Variants in LNX1 observed in about 807,000 individuals in gnomAD.
LNX1 encodes ligand of numb-protein X 1, also known as E3 ubiquitin-protein ligase LNX.
In LNX1, 54 loss-of-function variants were observed where a neutral mutation model predicts 68.4. That is an observed-to-expected ratio of 0.79 (90% confidence interval 0.63 to 0.99). LNX1 has a LOEUF of 0.99. Among genes scored for constraint, LNX1 ranks in the 50% least tolerant of loss-of-function variants. The pLI, the probability that LNX1 is intolerant of heterozygous loss-of-function variation, is 0.00. For synonymous variants in LNX1, 336 were observed against 350.0 expected (o/e 0.96, Z 0.45); for missense variants, 906 against 926.4 (o/e 0.98, Z 0.29).
In LNX1 at chr4:53,460,993, T is replaced by G. The variant is rs761777197; in HGVS notation, c.2101A>C (p.Ile701Leu). ...AVNGRSTSGMIHACLARLLKE... is the reference protein window; with the variant it reads ...AVNGRSTSGMLHACLARLLKE... ...AGCAGTCTTGCCAAGCAAGCATGTA[T>G]CATTCCTGATGTACTTCTACCATTG... The change falls in exon 11 of 11, where the codon ATA becomes CTA. Residue 701 changes from isoleucine to leucine, a missense_variant. Transcript: ENST00000263925. The G allele has an allele frequency of 3.7e-6, 6 of 1,607,722 alleles. No individual in the cohort carries two copies. In the East Asian group the frequency reaches 1.3e-4, roughly 36 times the overall value.
At position 53,459,692 on chromosome 4, in the gene LNX1, A is replaced by AGTC; in HGVS notation, c.*1212_*1214dup. The AGTC allele has an allele frequency of 1.9e-6, 1 of 522,424 alleles. No individual in the cohort carries two copies. The highest frequency in any genetic ancestry group is 3.4e-6 in the Non-Finnish European group (1 of 292,584). 32.4% of individuals were successfully genotyped at this position (522,424 alleles called of 1,614,324 possible). A position where few individuals can be genotyped will look rare whatever the true frequency, so the allele number is the denominator to read the frequency against. ...TATATCCAAGAAAGGAATGTGAATG[A>AGTC]GTCACTTAACAGGGAATCTAAAGAG... is the stretch of plus-strand genomic sequence containing the variant. On this transcript the variant is annotated 3_prime_UTR_variant, in exon 11 of 11. Transcript: ENST00000263925.
At chr4:53,535,061 A>C (rs969944610) in intron 2 of LNX1, among the ~76,000 whole-genome samples, 14 of 152,248 alleles carry the variant, frequency 9.2e-5, no homozygotes, top group African/African-American at 2.7e-4. Flanking sequence ...GCAGGGAATA[A>C]TTATGAATCC....
At chr4:53,650,665 G>A (rs778278178) in intron 1 of LNX1, among the ~76,000 whole-genome samples, 5 of 151,992 alleles carry the variant, frequency 3.3e-5, no homozygotes, top group Non-Finnish European at 7.4e-5. Flanking sequence ...CTATACTACC[G>A]CCCTACATAT....
chr4:53,519,392 C>T (rs1037531406), intron 2 of LNX1, among the ~76,000 whole-genome samples: 2 of 151,144 alleles, frequency 1.3e-5, no homozygotes, highest in Admixed American at 6.6e-5. Context: ...TAACAGCAGT[C>T]ATAACAGTAA....
intron 2 of LNX1, among the ~76,000 whole-genome samples, chr4:53,598,283 A>G (rs1221610316): frequency 1.3e-5 from 2 of 148,852 alleles, no homozygotes; most frequent in African/African-American, 5.0e-5. Flanking sequence ...CCCAGGCTGG[A>G]GTGCAGTGGC....
intron 2 of LNX1, among the ~76,000 whole-genome samples, chr4:53,600,652 G>A (rs1467690898): frequency 3.9e-5 from 6 of 152,100 alleles, no homozygotes; most frequent in Admixed American, 6.5e-5. Flanking sequence ...CTCAAATCAC[G>A]AGCATGTGAA....
chr4:53,620,935 A>G (rs1296519348), upstream of LNX1, among the ~76,000 whole-genome samples: 2 of 152,172 alleles, frequency 1.3e-5, no homozygotes, highest in Non-Finnish European at 2.9e-5. Flanking sequence ...GAAAGCCAAT[A>G]TCGGTTTAAA....
At chr4:53,565,787 A>G (rs1381196074) in intron 2 of LNX1, among the ~76,000 whole-genome samples, 4 of 150,146 alleles carry the variant, frequency 2.7e-5, no homozygotes, top group Non-Finnish European at 6.0e-5. Flanking sequence ...AATAACCAAT[A>G]CAGAGAAGTG....
upstream of LNX1, among the ~76,000 whole-genome samples, chr4:53,622,214 T>C (rs952736790): frequency 1.3e-5 from 2 of 152,208 alleles, no homozygotes; most frequent in African/African-American, 2.4e-5. Context: ...GATGTACGTA[T>C]GTCATATGCC....
chr4:53,506,092 A>T (rs998075875), intron 4 of LNX1, among the ~76,000 whole-genome samples: 8 of 152,248 alleles, frequency 5.3e-5, no homozygotes, highest in African/African-American at 1.7e-4. Flanking sequence ...CTGCCTCCCA[A>T]CTCCCAAGAG....
intron 2 of LNX1, among the ~76,000 whole-genome samples, chr4:53,565,649 A>C (rs995881831): frequency 4.6e-5 from 7 of 152,224 alleles, no homozygotes; most frequent in African/African-American, 1.7e-4. Context: ...CTGGACAGAG[A>C]ATGACTTTGA....
chr4:53,570,044 G>A (rs1282655454), intron 2 of LNX1, among the ~76,000 whole-genome samples: 7 of 152,048 alleles, frequency 4.6e-5, no homozygotes, highest in Admixed American at 1.3e-4. Context: ...GGAGAAATAC[G>A]AACACTTTTA....
chr4:53,628,523 G>A (rs1242861836), intron 1 of LNX1, among the ~76,000 whole-genome samples: 1 of 152,146 alleles, frequency 6.6e-6, no homozygotes, highest in Non-Finnish European at 1.5e-5. Context: ...AAAGGGGAAT[G>A]CTGGCTGGAA....
chr4:53,582,763 C>T (rs1731917418), intron 1 of LNX1, among the ~76,000 whole-genome samples: 1 of 151,798 alleles, frequency 6.6e-6, no homozygotes, highest in South Asian at 2.1e-4. Flanking sequence ...GGATTAAGCT[C>T]CATGTGGCAG....
intron 1 of LNX1, among the ~76,000 whole-genome samples, chr4:53,650,151 T>TGGA (rs1489961410): frequency 6.6e-6 from 1 of 152,168 alleles, no homozygotes; most frequent in African/African-American, 2.4e-5. Context: ...CCTGCCTGTA[T>TGGA]GGAGGAGACA....
At chr4:53,495,955 A>AG in intron 6 of LNX1, 68 bp downstream of exon 6, 2 of 1,549,636 alleles carry the variant, frequency 1.3e-6, no homozygotes, top group Non-Finnish European at 1.8e-6. Flanking sequence ...TGCCTGGTTC[A>AG]GGGGGATGTG....
chr4:53,510,323 C>T (rs1726235426), intron 2 of LNX1, among the ~76,000 whole-genome samples: 1 of 152,162 alleles, frequency 6.6e-6, no homozygotes, highest in Non-Finnish European at 1.5e-5. Flanking sequence ...ATCTTCTTTG[C>T]TGTTATATGA....
upstream of LNX1, chr4:53,591,589 A>C (rs1036720209): frequency 1.1e-5 from 11 of 985,314 alleles, no homozygotes; most frequent in African/African-American, 1.9e-4. Flanking sequence ...CGACAGATAA[A>C]GCATTGCTGA....
chr4:53,516,694 C>T (rs1196922403), intron 2 of LNX1, among the ~76,000 whole-genome samples: 1 of 152,152 alleles, frequency 6.6e-6, no homozygotes, highest in Non-Finnish European at 1.5e-5. Flanking sequence ...AAGAACAGAC[C>T]TGAAGTGAGA....
Sources: gnomAD v4.1 joint callset for allele counts (sites outside exome capture counted in the v4.1 genomes callset) on GRCh38, gnomAD v4.1.1 for gene constraint, MANE v1.5 for transcripts, NCBI Gene and HGNC (gene_info 2026-07-23, HGNC 2026-07-21) for gene names.